The following DOCK4 variants were observed in gnomAD, a reference collection of about 807,000 sequenced individuals.
DOCK4 encodes dedicator of cytokinesis protein 4.
Under a neutral mutation model 268.1 loss-of-function variants are expected in DOCK4, and 97 were observed. The observed-to-expected ratio is 0.36, with a 90% CI of 0.31 to 0.43. DOCK4 has a LOEUF of 0.43. Ranked by LOEUF, DOCK4 falls within the 20% of genes least tolerant of loss-of-function variation. DOCK4 has a pLI of 1.00. For synonymous variants in DOCK4, 954 were observed against 887.2 expected, an observed-to-expected ratio of 1.08 and a Z score of -1.34; for missense variants, 2,145 against 2,455.7, an observed-to-expected ratio of 0.87 and a Z score of 2.67.
intron 8 of DOCK4, among the ~76,000 whole-genome samples, chr7:111,950,157 C>T (rs1321369261): frequency 6.6e-6 from 1 of 152,174 alleles, no homozygotes; most frequent in African/African-American, 2.4e-5. Flanking sequence ...CAACTCCTGA[C>T]CTCAGGTGAT....
chr7:111,833,324 T>C (rs1442869398), intron 26 of DOCK4, among the ~76,000 whole-genome samples: 3 of 152,212 alleles, frequency 2.0e-5, no homozygotes, highest in African/African-American at 7.2e-5. Context: ...GGAGGATTTC[T>C]TTAGGCCAGG....
At chr7:111,853,626 G>A (rs1804763771) in intron 23 of DOCK4, among the ~76,000 whole-genome samples, 1 of 152,194 alleles carries the variant, frequency 6.6e-6, no homozygotes, top group Non-Finnish European at 1.5e-5. Context: ...CAGGATCACA[G>A]AGGAAAGCAA....
intron 1 of DOCK4, among the ~76,000 whole-genome samples, chr7:112,157,298 C>T (rs975570114): frequency 6.6e-5 from 10 of 152,090 alleles, no homozygotes; most frequent in Admixed American, 1.3e-4. Context: ...AGTGCTTATC[C>T]AATACCCACC....
At chr7:111,993,855 A>C (rs532465480) in intron 5 of DOCK4, among the ~76,000 whole-genome samples, 2 of 152,332 alleles carry the variant, frequency 1.3e-5, no homozygotes, top group South Asian at 4.1e-4. Flanking sequence ...GAAATTAAAA[A>C]TATTCAGGAG....
chr7:111,770,127 T>C lies in DOCK4; in HGVS notation c.3680-450A>G, dbSNP rs1276224872. Among the ~76,000 whole-genome samples, 3 of 139,206 alleles carry C rather than the reference T, an allele frequency of 2.2e-5. No individual in the cohort carries two copies. In the East Asian group the frequency reaches 6.3e-4, roughly 29 times the overall value. 91.3% of individuals were successfully genotyped at this position (139,206 alleles called of 152,430 possible). On this transcript the variant is annotated intron_variant, in intron 36 of 52. Coordinates refer to ENST00000428084, the MANE Select transcript of DOCK4 (RefSeq NM_001363540.2). ...AAAAATGGCAAATTCTTTGGGATAATAAAGGGCTGAAAAATCGAAACTGGT... is the reference window on the plus strand; with the variant it reads ...AAAAATGGCAAATTCTTTGGGATAACAAAGGGCTGAAAAATCGAAACTGGT...
intron 49 of DOCK4, 47 bp from the exon 50 acceptor site, chr7:111,737,036 G>A (rs1219781533): frequency 6.6e-7 from 1 of 1,519,170 alleles, no homozygotes; most frequent in Non-Finnish European, 9.0e-7. Context: ...ATACGGGCAT[G>A]TGAAACCTTT....
intron 33 of DOCK4, 39 bp downstream of exon 33, chr7:111,784,058 A>C (rs1415347019): frequency 6.3e-7 from 1 of 1,579,232 alleles, no homozygotes; most frequent in Non-Finnish European, 8.6e-7. Context: ...AACCACTGCA[A>C]CATCTCACAA....
chr7:111,777,290 T>C (rs1168450585), intron 36 of DOCK4, among the ~76,000 whole-genome samples: 1 of 152,168 alleles, frequency 6.6e-6, no homozygotes, highest in Non-Finnish European at 1.5e-5. Flanking sequence ...CATTCTTAGA[T>C]GAAGGAAAAC....
intron 10 of DOCK4, 129 bp from the exon 11 acceptor site, chr7:111,940,371 C>A (rs528886666): frequency 1.6e-6 from 2 of 1,217,226 alleles, no homozygotes; most frequent in South Asian, 2.8e-5. Flanking sequence ...CCAGGTTGGG[C>A]GTAACAGAAG....
At chr7:111,926,064 C>T (rs1294012750) in intron 12 of DOCK4, among the ~76,000 whole-genome samples, 3 of 141,974 alleles carry the variant, frequency 2.1e-5, no homozygotes, top group African/African-American at 8.3e-5. Flanking sequence ...CACTGCACTC[C>T]AGCCTGGCGA....
At chr7:112,205,513 T>A (rs752984689) in intron 1 of DOCK4, among the ~76,000 whole-genome samples, 5 of 152,034 alleles carry the variant, frequency 3.3e-5, no homozygotes, top group Admixed American at 6.6e-5. Context: ...AAATCCGGGA[T>A]CGCAGAGAGG....
At chr7:112,172,119 T>G (rs1193616340) in intron 1 of DOCK4, among the ~76,000 whole-genome samples, 1 of 152,216 alleles carries the variant, frequency 6.6e-6, no homozygotes. Flanking sequence ...AGGATTTATA[T>G]GAATTAGGGG....
chr7:111,985,297 C>T (rs990384169), intron 6 of DOCK4, among the ~76,000 whole-genome samples: 1 of 152,044 alleles, frequency 6.6e-6, no homozygotes, highest in Non-Finnish European at 1.5e-5. Flanking sequence ...CGATCAAGGC[C>T]GAGATGATAC....
chr7:111,915,109 A>C (rs1792474797), intron 13 of DOCK4, among the ~76,000 whole-genome samples: 1 of 152,298 alleles, frequency 6.6e-6, no homozygotes, highest in South Asian at 2.1e-4. Flanking sequence ...TTCCATAAGC[A>C]CATAAAGGGG....
At chr7:112,158,625 T>C (rs1000779705) in intron 1 of DOCK4, among the ~76,000 whole-genome samples, 3 of 152,212 alleles carry the variant, frequency 2.0e-5, no homozygotes, top group Admixed American at 1.3e-4. Flanking sequence ...TTTATTCATA[T>C]ATAAGAAGTC....
intron 1 of DOCK4, among the ~76,000 whole-genome samples, chr7:112,083,433 A>G (rs7802845): frequency 0.21 from 31,701 of 151,990 alleles, 6,477 homozygotes; most frequent in African/African-American, 0.52. Context: ...AGTTACTATA[A>G]CATAATGAAT....
At chr7:111,733,768 A>G (rs190595948) in intron 51 of DOCK4, among the ~76,000 whole-genome samples, 54 of 152,346 alleles carry the variant, frequency 3.5e-4, no homozygotes, top group Admixed American at 3.2e-3. Flanking sequence ...TGAGATACAA[A>G]TAGTTTGGCC....
intron 30 of DOCK4, among the ~76,000 whole-genome samples, chr7:111,797,216 C>T (rs1472184769): frequency 6.6e-6 from 1 of 152,090 alleles, no homozygotes; most frequent in Non-Finnish European, 1.5e-5. Context: ...TAAGATCAAC[C>T]CAGCTCTTTT....
At chr7:112,119,598 A>T (rs749319908) in intron 1 of DOCK4, among the ~76,000 whole-genome samples, 3 of 152,166 alleles carry the variant, frequency 2.0e-5, no homozygotes, top group Non-Finnish European at 4.4e-5. Flanking sequence ...TTGGAGACAC[A>T]GCCCTTTCAT....
Sources: gnomAD v4.1 joint callset for allele counts (sites outside exome capture counted in the v4.1 genomes callset) on GRCh38, gnomAD v4.1.1 for gene constraint, MANE v1.5 for transcripts, NCBI Gene and HGNC (gene_info 2026-07-23, HGNC 2026-07-21) for gene names.